Variants in UGT2A2 observed in about 807,000 individuals in gnomAD.
The protein encoded by UGT2A2 is UDP-glucuronosyltransferase 2A2.
UGT2A2 carries 60 observed loss-of-function variants against 50.7 expected under a neutral mutation model. The observed-to-expected ratio is 1.18, with a 90% CI of 0.96 to 1.47. The LOEUF is 1.47. Ranked by LOEUF, UGT2A2 falls within the 40% of genes most tolerant of loss-of-function variation. UGT2A2 has a pLI of 0.00. For synonymous variants in UGT2A2, 242 were observed against 214.6 expected (o/e 1.13, Z -1.11); for missense variants, 762 against 634.0 (o/e 1.20, Z -2.17).
intron 3 of UGT2A2, among the ~76,000 whole-genome samples, chr4:69,595,639 A>C (rs1479761005): frequency 6.6e-6 from 1 of 152,184 alleles, no homozygotes; most frequent in Non-Finnish European, 1.5e-5. Flanking sequence ...TAGAAGTATA[A>C]AAAGAATAGA....
chr4:69,620,165 T>C (rs1374463153), intron 1 of UGT2A2, among the ~76,000 whole-genome samples: 2 of 151,816 alleles, frequency 1.3e-5, no homozygotes, highest in African/African-American at 4.8e-5. Context: ...ATAAAAGGCA[T>C]CCAAATAGGA....
intron 1 of UGT2A2, 34 bp from the exon 2 acceptor site, chr4:69,599,428 T>A: frequency 6.2e-7 from 1 of 1,606,094 alleles, no homozygotes; most frequent in South Asian, 1.1e-5. Flanking sequence ...ATGGAGGAAA[T>A]TAGCTTATAT....
chr4:69,611,208 C>T (rs138507009), intron 1 of UGT2A2, among the ~76,000 whole-genome samples: 8 of 151,424 alleles, frequency 5.3e-5, no homozygotes, highest in African/African-American at 1.9e-4. Flanking sequence ...TGCAGTGGCA[C>T]CAACACAGCT....
chr4:69,639,076 C>G lies in UGT2A2; in HGVS notation c.565G>C (p.Glu189Gln). 1 of 1,613,406 alleles carries G rather than the reference C, an allele frequency of 6.2e-7. No individual in the cohort carries two copies. The change falls in exon 1 of 6, where the codon GAG becomes CAG. Residue 189 changes from glutamate to glutamine, a missense_variant. By Grantham distance (29) the Glu-to-Gln change is conservative. Coordinates refer to ENST00000604629, the MANE Select transcript of UGT2A2 (RefSeq NM_001105677.2). ...TLRFSPASTVERHCGKIPAPV... is the reference protein window; with the variant it reads ...TLRFSPASTVQRHCGKIPAPV... ...GCTGGGATTTTCCCACAGTGTCTCT[C>G]CACTGTTGATGCTGGAGAGAACCTC... is the stretch of plus-strand genomic sequence containing the variant.
At position 69,594,724 on chromosome 4, in the gene UGT2A2, G is replaced by T; in HGVS notation, c.1112-28C>A. 2.5e-6 allele frequency: 4 copies of T among 1,598,470 alleles called. 1 individual carries two copies. In the South Asian group the frequency reaches 4.5e-5, roughly 18 times the overall value. ...AATTTGAGGATGGAGTGAGAAGTGG[G>T]TGTGTAATAATAACACATTAGCAGA... On this transcript the variant is annotated intron_variant, in intron 4 of 5. Coordinates refer to ENST00000604629, the MANE Select transcript of UGT2A2 (RefSeq NM_001105677.2).
rs767385475 is a variant in UGT2A2, at chr4:69,589,360, C to A, written c.*12G>T. ...AAACTTAAAAATATATATATTTCCT[C>A]TTTTTCTTGACCTATTCTCTTTTTT... On this transcript the variant is annotated 3_prime_UTR_variant, in exon 6 of 6. Transcript: ENST00000604629. 1.1e-5 allele frequency: 17 copies of A among 1,598,590 alleles called. 1 individual carries two copies. The South Asian group carries it at 1.6e-4, about 15-fold the overall frequency.
rs146739784 is a variant in UGT2A2, at chr4:69,609,099, G to T, written c.743-9705C>A. ...GATAATGAGAAAACCATCATAAACT[G>T]TAGGAAGATATCTGCAATATATAAA... On this transcript the variant is annotated intron_variant, in intron 1 of 5. Coordinates refer to ENST00000604629, the MANE Select transcript of UGT2A2 (RefSeq NM_001105677.2). Among the ~76,000 whole-genome samples, 659 of 151,348 alleles carry T rather than the reference G, an allele frequency of 4.4e-3. 7 individuals are homozygous for T. The highest frequency in any genetic ancestry group is 0.015 in the African/African-American group (605 of 41,286).
Position 69,639,378 on chromosome 4 carries a change from T to C in UGT2A2, c.263A>G (p.Lys88Arg), listed in dbSNP as rs1721921055. 1 of 1,613,674 alleles carries C rather than the reference T, an allele frequency of 6.2e-7. No individual in the cohort carries two copies. Among genetic ancestry groups the C allele is most frequent in the Non-Finnish European group, 8.5e-7 (1 of 1,179,720 alleles). ...VNFEVIPVSY[K>R]KSNIDSLIEH... ...AATTAAGGAATCTATATTGCTCTTC[T>C]TGTAGGAAACAGGTATCACTTCAAA... Residue 88 changes from lysine (K) to arginine (R), a missense_variant, in exon 1 of 6, where the codon AAG (lysine) becomes AGG (arginine). Transcript: ENST00000604629.
chr4:69,634,141 A>C (rs1286808486), intron 1 of UGT2A2, among the ~76,000 whole-genome samples: 1 of 152,028 alleles, frequency 6.6e-6, no homozygotes, highest in Non-Finnish European at 1.5e-5. Flanking sequence ...GCTACTCCGG[A>C]GGCTGAGGCA....
chr4:69,609,626 G>A (rs926597843), intron 1 of UGT2A2, among the ~76,000 whole-genome samples: 1 of 152,136 alleles, frequency 6.6e-6, no homozygotes, highest in African/African-American at 2.4e-5. Context: ...GTATAAACTA[G>A]TATAATGTCT....
intron 5 of UGT2A2, among the ~76,000 whole-genome samples, chr4:69,591,117 C>A (rs1369451606): frequency 6.6e-6 from 1 of 151,908 alleles, no homozygotes; most frequent in Admixed American, 6.6e-5. Flanking sequence ...CATTTTTTTG[C>A]ATCAATAGTT....
chr4:69,621,946 A>G (rs1427743344), intron 1 of UGT2A2, among the ~76,000 whole-genome samples: 2 of 151,868 alleles, frequency 1.3e-5, no homozygotes, highest in African/African-American at 2.4e-5. Flanking sequence ...TACAAGTTAG[A>G]GCTAAATGAT....
chr4:69,629,403 T>C (rs1049695726), intron 1 of UGT2A2, among the ~76,000 whole-genome samples: 19 of 152,042 alleles, frequency 1.2e-4, no homozygotes, highest in African/African-American at 4.6e-4. Flanking sequence ...GTTCCAATCT[T>C]TTGGAATACA....
rs1046450031 is a variant in UGT2A2, at chr4:69,629,295, T to A, written c.742+9604A>T. Among the ~76,000 whole-genome samples the A allele has an allele frequency of 2.6e-5, 4 of 152,094 alleles. No homozygotes were observed. In the South Asian group the frequency reaches 8.3e-4, roughly 32 times the overall value. ...CATTCAGGAGGTGTACTGCAAAGTG[T>A]TTACTTTGCAGGTCTGGATTTCTCA... On this transcript the variant is annotated intron_variant, in intron 1 of 5. Coordinates refer to ENST00000604629, the MANE Select transcript of UGT2A2 (RefSeq NM_001105677.2).
chr4:69,638,863 T>A (rs985939507), intron 1 of UGT2A2, 36 bp downstream of exon 1: 1 of 1,506,742 alleles, frequency 6.6e-7, no homozygotes, highest in Non-Finnish European at 8.9e-7. Flanking sequence ...AAATAAGGGA[T>A]GTGGAGTCAT....
intron 4 of UGT2A2, 135 bp from the exon 5 acceptor site, chr4:69,594,831 G>A (rs949156759): frequency 5.3e-6 from 6 of 1,140,236 alleles, no homozygotes; most frequent in South Asian, 4.9e-5. Context: ...AGATCACATA[G>A]GGCATTGGAA....
chr4:69,612,925 C>T (rs1163037546), intron 1 of UGT2A2, among the ~76,000 whole-genome samples: 1 of 142,890 alleles, frequency 7.0e-6, no homozygotes, highest in African/African-American at 2.6e-5. Flanking sequence ...AAAAAACTAT[C>T]CAGAGAGTAC....
At chr4:69,590,545 A>T (rs1718528491) in intron 5 of UGT2A2, among the ~76,000 whole-genome samples, 1 of 152,072 alleles carries the variant, frequency 6.6e-6, no homozygotes, top group East Asian at 1.9e-4. Flanking sequence ...TTGGCAGGAC[A>T]TTGTTAGGAC....
At chr4:69,629,082 GCTT>G (rs1721246698) in intron 1 of UGT2A2, among the ~76,000 whole-genome samples, 1 of 151,864 alleles carries the variant, frequency 6.6e-6, no homozygotes, top group African/African-American at 2.4e-5. Flanking sequence ...ACAAGCCATA[GCTT>G]TTTTCAAACA....
Sources: allele counts gnomAD v4.1 joint callset (sites outside exome capture counted in the v4.1 genomes callset), GRCh38; gene constraint gnomAD v4.1.1; transcripts MANE v1.5; gene names NCBI Gene and HGNC (gene_info 2026-07-23, HGNC 2026-07-21).